Variants in CFAP47 observed in about 807,000 individuals in gnomAD.
CFAP47 encodes cilia- and flagella-associated protein 47.
CFAP47 carries 29 observed loss-of-function variants against 148.1 expected under a neutral mutation model. The observed-to-expected ratio is 0.20, with a 90% confidence interval of 0.15 to 0.27. CFAP47 has a LOEUF of 0.27. CFAP47 is among the 10% of genes least tolerant of loss of function. CFAP47 has a pLI of 1.00. For missense variants in CFAP47, 1,872 were observed against 1,697.5 expected, an observed-to-expected ratio of 1.10 and a Z score of -1.81; for synonymous variants, 664 against 577.3, an observed-to-expected ratio of 1.15 and a Z score of -2.15.
rs371584104 is a variant in CFAP47 at position 36,381,735 on chromosome X, A to C, written c.9354+2217A>C. ...TCAACTTTCCCTTGGTGGATATGATAAATCTTAGTTTATGAAAATGTGAGG... is the reference window on the plus strand; with the variant it reads ...TCAACTTTCCCTTGGTGGATATGATCAATCTTAGTTTATGAAAATGTGAGG... On this transcript the variant is annotated intron_variant, in intron 63 of 63. Transcript: ENST00000378653. Among the ~76,000 whole-genome samples, 96 of 110,922 alleles carry C rather than the reference A, an allele frequency of 8.7e-4. 2 individuals carry two copies. In the South Asian group the frequency reaches 0.033, roughly 38 times the overall value.
At chrX:35,927,595 AGGTG>A (rs1181473654) in intron 2 of CFAP47, among the ~76,000 whole-genome samples, 1 of 105,785 alleles carries the variant, frequency 9.5e-6, no homozygotes, top group African/African-American at 3.7e-5. Context: ...GGTTGAAGGA[AGGTG>A]TGTGTGTGTG....
At chrX:36,236,125 A>G in intron 47 of CFAP47, 48 bp downstream of exon 47, 1 of 405,259 alleles carries the variant, frequency 2.5e-6, no homozygotes, top group Non-Finnish European at 4.4e-6. Context: ...TAGTATCATT[A>G]GTTAATAAAC....
intron 12 of CFAP47, 35 bp downstream of exon 12, chrX:35,971,807 A>G (rs1327501429): frequency 8.4e-7 from 1 of 1,191,230 alleles, no homozygotes. Flanking sequence ...TTATTCCACG[A>G]GAATTCTTAA....
At chrX:36,304,027 C>G in intron 54 of CFAP47, 67 bp downstream of exon 54, 1 of 521,817 alleles carries the variant, frequency 1.9e-6, no homozygotes, top group Non-Finnish European at 3.2e-6. Context: ...GATTTTGGGA[C>G]ACTGGTGGAG....
At chrX:36,202,740 G>A (rs1242029925) in intron 44 of CFAP47, among the ~76,000 whole-genome samples, 3 of 109,953 alleles carry the variant, frequency 2.7e-5, no homozygotes, top group Non-Finnish European at 3.8e-5. Context: ...AGCCTAGTGT[G>A]GAGGCGTGCA....
At chrX:36,009,730 A>G (rs1937018299) in intron 21 of CFAP47, among the ~76,000 whole-genome samples, 1 of 112,060 alleles carries the variant, frequency 8.9e-6, no homozygotes, top group African/African-American at 3.3e-5. Flanking sequence ...ATAAAAATAG[A>G]AACCCAAGTG....
At chrX:36,237,656 A>G (rs1293162697) in intron 48 of CFAP47, among the ~76,000 whole-genome samples, 1 of 111,937 alleles carries the variant, frequency 8.9e-6, no homozygotes, top group Non-Finnish European at 1.9e-5. Context: ...ATGAAGCATT[A>G]TACTCTGTCA....
chrX:36,033,295 G>A (rs1414676091), intron 23 of CFAP47, among the ~76,000 whole-genome samples: 1 of 111,729 alleles, frequency 9.0e-6, no homozygotes, highest in East Asian at 2.8e-4. Flanking sequence ...GAGGAATTTG[G>A]TGGGACAACT....
chrX:36,001,744 T>C (rs911138372), intron 21 of CFAP47, 37 bp downstream of exon 21: 4 of 285,203 alleles, frequency 1.4e-5, no homozygotes, highest in African/African-American at 1.1e-4. Context: ...TTACTGCAGT[T>C]ATGGGTATTC....
chrX:36,317,857 C>A (rs1193243322), intron 56 of CFAP47, among the ~76,000 whole-genome samples: 1 of 111,209 alleles, frequency 9.0e-6, no homozygotes, highest in Non-Finnish European at 1.9e-5. Context: ...ATAATTATAA[C>A]CATTTTTGAA....
rs188608019 is a variant in CFAP47, at chrX:36,102,140, A to G, written c.5127+2261A>G. 1.1e-3 allele frequency among the ~76,000 whole-genome samples: 124 copies of G among 112,014 alleles called. 1 individual carries two copies. The highest frequency in any genetic ancestry group is 1.8e-3 in the Non-Finnish European group (96 of 53,211). ...TTCTTGAATCAAATCTTTAACAAAA[A>G]TGAAAGATAATTCGAAACAATGTTT... is the stretch of plus-strand genomic sequence containing the variant. On this transcript the variant is annotated intron_variant, in intron 32 of 63. Transcript: ENST00000378653.
intron 40 of CFAP47, 44 bp from the exon 41 acceptor site, chrX:36,188,576 T>G (rs982048406): frequency 1.4e-5 from 4 of 294,721 alleles, no homozygotes; most frequent in African/African-American, 1.1e-4. Flanking sequence ...GTTTTTGAGT[T>G]TTGTTTGTGT....
intron 33 of CFAP47, among the ~76,000 whole-genome samples, chrX:36,113,799 T>C (rs1322757709): frequency 2.7e-5 from 3 of 110,000 alleles, no homozygotes; most frequent in Non-Finnish European, 5.7e-5. Context: ...TAAATATGTT[T>C]TTCTCTATTC....
At chrX:36,269,981 A>G (rs145033014) in intron 49 of CFAP47, among the ~76,000 whole-genome samples, 342 of 112,244 alleles carry the variant, frequency 3.0e-3, no homozygotes, top group African/African-American at 0.01. Flanking sequence ...TGGTGCCTAA[A>G]TCAATAGTTT....
intron 1 of CFAP47, among the ~76,000 whole-genome samples, chrX:35,923,216 C>A (rs770372003): frequency 3.6e-5 from 4 of 111,210 alleles, no homozygotes; most frequent in Non-Finnish European, 7.5e-5. Context: ...TTTGAGTCTT[C>A]ACTTCCTGAG....
chrX:36,189,088 T>G (rs2146874326), intron 41 of CFAP47, among the ~76,000 whole-genome samples: 1 of 111,782 alleles, frequency 8.9e-6, no homozygotes, highest in African/African-American at 3.2e-5. Flanking sequence ...CTAGAAAAGA[T>G]GGATATAATG....
intron 49 of CFAP47, among the ~76,000 whole-genome samples, chrX:36,264,989 A>C (rs1253172070): frequency 1.8e-5 from 2 of 108,428 alleles, no homozygotes; most frequent in East Asian, 2.9e-4. Flanking sequence ...TGAATCTGTA[A>C]ATTTCTTTGG....
At chrX:36,146,345 G>A (rs891291105) in intron 36 of CFAP47, among the ~76,000 whole-genome samples, 1 of 105,670 alleles carries the variant, frequency 9.5e-6, no homozygotes, top group Non-Finnish European at 1.9e-5. Context: ...ATTAATGCTA[G>A]CTAACGTTTA....
At chrX:35,930,647 C>T in intron 2 of CFAP47, among the ~76,000 whole-genome samples, 1 of 110,947 alleles carries the variant, frequency 9.0e-6, no homozygotes, top group Non-Finnish European at 1.9e-5. Flanking sequence ...TTCATACTGC[C>T]TATATTATTA....
Sources: gnomAD v4.1 joint callset for allele counts (sites outside exome capture counted in the v4.1 genomes callset) on GRCh38, gnomAD v4.1.1 for gene constraint, MANE v1.5 for transcripts, NCBI Gene and HGNC (gene_info 2026-07-23, HGNC 2026-07-21) for gene names.